UPF1: variants seen among roughly 807,000 people sequenced by gnomAD.
The protein encoded by UPF1 is UPF1 RNA helicase and ATPase.
In UPF1, 9 loss-of-function variants were observed where a neutral mutation model predicts 129.2. That is an observed-to-expected ratio of 0.07 (90% CI 0.04 to 0.12). The LOEUF is 0.12. UPF1 is among the 10% of genes least tolerant of loss of function. The pLI is 1.00. For synonymous variants in UPF1, 649 were observed against 644.9 expected (o/e 1.01, Z -0.10); for missense variants, 788 against 1,525.3 (o/e 0.52, Z 8.05).
At chr19:18,858,178 C>T (rs1302049795) in intron 15 of UPF1, among the ~76,000 whole-genome samples, 1 of 152,200 alleles carries the variant, frequency 6.6e-6, no homozygotes, top group Admixed American at 6.5e-5. Flanking sequence ...TGTGGACACA[C>T]CCTGGGTATT....
intron 1 of UPF1, among the ~76,000 whole-genome samples, chr19:18,837,914 G>T (rs141008821): frequency 2.6e-5 from 4 of 152,160 alleles, no homozygotes; most frequent in Non-Finnish European, 4.4e-5. Context: ...GCTCCTAGCC[G>T]ACCTGTCGTC....
At chr19:18,857,294 A>C in intron 14 of UPF1, 26 bp from the exon 15 acceptor site, 1 of 1,594,360 alleles carries the variant, frequency 6.3e-7, no homozygotes, top group Non-Finnish European at 8.5e-7. Flanking sequence ...GAGCTTCTTG[A>C]CTTGTGGGGG....
intron 1 of UPF1, among the ~76,000 whole-genome samples, chr19:18,841,979 C>G (rs2055547037): frequency 6.6e-6 from 1 of 152,190 alleles, no homozygotes; most frequent in African/African-American, 2.4e-5. Context: ...CCTGTAGTCT[C>G]AGCTACTTGG....
At chr19:18,864,024 A>C (rs1362560865) in intron 19 of UPF1, 146 bp from the exon 20 acceptor site, 6 of 734,448 alleles carry the variant, frequency 8.2e-6, no homozygotes, top group Non-Finnish European at 1.4e-5. Context: ...ATGAGACAGC[A>C]GCTCCCTCCT....
At chr19:18,852,448 C>T in intron 6 of UPF1, 152 bp downstream of exon 6, 3 of 1,160,734 alleles carry the variant, frequency 2.6e-6, no homozygotes, top group Non-Finnish European at 3.6e-6. Flanking sequence ...GGATCCGGGC[C>T]TGGCAGCCCG....
In UPF1 at chr19:18,832,693, C is replaced by T. The variant is rs1601088355; in HGVS notation, c.231+253C>T. ...CCGCGACCTGGCTGAGTTCCTTCGG[C>T]CCCCAACTCCTGGGCCGGGCAGACT... On this transcript the variant is annotated intron_variant, in intron 1 of 23. Coordinates refer to ENST00000262803, the MANE Select transcript of UPF1 (RefSeq NM_002911.4). This position sits in a 1 kb window ranked among gnomAD's most constrained non-coding sequence, Gnocchi z 5.6. Among the ~76,000 whole-genome samples, 1 of 152,230 alleles carries T rather than the reference C, an allele frequency of 6.6e-6. No individual in the cohort carries two copies. The highest frequency in any genetic ancestry group is 2.4e-5 in the African/African-American group (1 of 41,462).
At position 18,854,608 on chromosome 19, in the gene UPF1, C is replaced by T. The variant is rs150253679; in HGVS notation, c.1164C>T (p.Gly388=). 9.3e-6 allele frequency: 15 copies of T among 1,611,112 alleles called. No homozygotes were observed. In the African/African-American group the frequency reaches 1.3e-4, roughly 14 times the overall value. ...GHVIKVPDNY[G]DEIAIELRSS... is the part of the protein sequence containing the mutation. Reference sequence around the variant, plus strand: ...ACTTAACTCAGCACACAGATTATGGCGATGAGATCGCCATTGAGCTGCGGA... The same window carrying T: ...ACTTAACTCAGCACACAGATTATGGTGATGAGATCGCCATTGAGCTGCGGA... Residue 388 remains glycine (G), a synonymous_variant, in exon 9 of 24, where the codon GGC becomes GGT. Transcript: ENST00000262803.
At chr19:18,846,261 T>A (rs1601104628) in intron 2 of UPF1, 142 bp downstream of exon 2, 1 of 1,290,616 alleles carries the variant, frequency 7.7e-7, no homozygotes, top group East Asian at 2.5e-5. Context: ...AGTAAGGAAA[T>A]TGCTCAGGCC....
intron 1 of UPF1, among the ~76,000 whole-genome samples, chr19:18,840,763 A>G (rs932031666): frequency 1.3e-5 from 2 of 152,206 alleles, no homozygotes; most frequent in Middle Eastern, 3.4e-3. Flanking sequence ...TCTCTGATAC[A>G]TGGAGGGCTG....
At chr19:18,846,629 C>T (rs1201853467) in intron 2 of UPF1, among the ~76,000 whole-genome samples, 3 of 152,042 alleles carry the variant, frequency 2.0e-5, no homozygotes, top group Admixed American at 6.5e-5. Context: ...CGAGTGGGAT[C>T]GTCCCTTGTT....
intron 1 of UPF1, among the ~76,000 whole-genome samples, chr19:18,834,727 G>A (rs2055465536): frequency 6.6e-6 from 1 of 152,190 alleles, no homozygotes; most frequent in East Asian, 1.9e-4. Context: ...AAGGGAAAGC[G>A]GAAGAAAGTT....
At position 18,862,164 on chromosome 19, in the gene UPF1, G is replaced by C; in HGVS notation, c.2600+12G>C. Reference sequence around the variant, plus strand: ...CTGACCAGAGCAAGGTAGGGAGGCTGCCTGCTGCATGCTGCCCAGCCGCTC... The same window carrying C: ...CTGACCAGAGCAAGGTAGGGAGGCTCCCTGCTGCATGCTGCCCAGCCGCTC... On this transcript the variant is annotated intron_variant, in intron 18 of 23. Coordinates refer to ENST00000262803, the MANE Select transcript of UPF1 (RefSeq NM_002911.4). 1.2e-6 allele frequency: 2 copies of C among 1,612,302 alleles called. No individual in the cohort carries two copies. The highest frequency in any genetic ancestry group is 1.7e-6 in the Non-Finnish European group (2 of 1,179,060).
chr19:18,862,507 C>T (rs1262861252), intron 18 of UPF1, among the ~76,000 whole-genome samples: 1 of 152,000 alleles, frequency 6.6e-6, no homozygotes, highest in African/African-American at 2.4e-5. Context: ...GAAGGGACCC[C>T]GAGAACAAGG....
At chr19:18,859,559 C>T (rs929849959) in intron 15 of UPF1, 1 of 152,238 alleles carries the variant, frequency 6.6e-6, no homozygotes, top group Non-Finnish European at 1.5e-5. Flanking sequence ...CAGTGATCCA[C>T]TTGGCCTCAT....
At chr19:18,857,586 G>T (rs1450706255) in intron 15 of UPF1, 53 bp downstream of exon 15, 5 of 1,512,718 alleles carry the variant, frequency 3.3e-6, no homozygotes, top group Non-Finnish European at 4.4e-6. Flanking sequence ...GGCATCAAGG[G>T]AATGTGGACT....
chr19:18,861,060 AAG>A (rs1287826802), intron 17 of UPF1, 78 bp downstream of exon 17: 7 of 1,475,678 alleles, frequency 4.7e-6, no homozygotes, highest in African/African-American at 1.4e-5. Flanking sequence ...GTTACCCCCC[AAG>A]AGGGGCCCGT....
At chr19:18,852,007 A>G (rs2055663629) in intron 5 of UPF1, 128 bp from the exon 6 acceptor site, 1 of 1,348,618 alleles carries the variant, frequency 7.4e-7, no homozygotes. Context: ...GAACCCCTCC[A>G]TGCCACCCAC....
rs111910413 is a variant in UPF1 at position 18,854,861 on chromosome 19, C to G, written c.1266-18C>G. 3 of 1,613,758 alleles carry G rather than the reference C, an allele frequency of 1.9e-6. No homozygotes were observed. Among genetic ancestry groups the G allele is most frequent in the Non-Finnish European group, 2.5e-6 (3 of 1,179,816 alleles). On this transcript the variant is annotated intron_variant, in intron 9 of 23. Coordinates refer to ENST00000262803, the MANE Select transcript of UPF1 (RefSeq NM_002911.4). Reference sequence around the variant, plus strand: ...GGCCACAGCTGTGCGTGTCGCCAACCCCAAACCCTCCTCACAGGATGCAGA... The same window carrying G: ...GGCCACAGCTGTGCGTGTCGCCAACGCCAAACCCTCCTCACAGGATGCAGA...
intron 8 of UPF1, 134 bp from the exon 9 acceptor site, chr19:18,854,467 A>T: frequency 1.5e-6 from 1 of 686,488 alleles, no homozygotes; most frequent in Non-Finnish European, 2.5e-6. Flanking sequence ...GCACGTTTTT[A>T]GCGTTTGGTG....
Sources: gnomAD v4.1 joint callset for allele counts (sites outside exome capture counted in the v4.1 genomes callset) on GRCh38, gnomAD v4.1.1 for gene constraint, Gnocchi (gnomAD v3.1) non-coding constraint, MANE v1.5 for transcripts, NCBI Gene and HGNC (gene_info 2026-07-23, HGNC 2026-07-21) for gene names.